Variants in PHF24 observed in about 807,000 individuals in gnomAD.
PHF24 encodes Galpha inhibitory interacting protein.
A neutral mutation model predicts 42.6 loss-of-function variants in PHF24; 25 were observed. That is an observed-to-expected ratio of 0.59 (90% CI 0.43 to 0.82). The LOEUF is 0.82. PHF24 is among the 40% of genes least tolerant of loss of function. The pLI, the probability that PHF24 is intolerant of heterozygous loss-of-function variation, is 0.00. For synonymous variants in PHF24, 185 were observed against 204.8 expected, an observed-to-expected ratio of 0.90 and a Z score of 0.83; for missense variants, 470 against 538.1, an observed-to-expected ratio of 0.87 and a Z score of 1.25.
the PHF24 span, chr9:34,727,952 C>T: frequency 6.9e-7 from 1 of 1,444,312 alleles, no homozygotes; most frequent in Non-Finnish European, 9.5e-7. Context: ...TTAGTCCTGC[C>T]CCAGGCCAAG....
the PHF24 span, among the ~76,000 whole-genome samples, chr9:34,735,447 T>C: frequency 6.6e-6 from 1 of 151,366 alleles, no homozygotes; most frequent in Admixed American, 6.6e-5. Context: ...GATATCCAGC[T>C]TTCAACAAAA....
the PHF24 span, among the ~76,000 whole-genome samples, chr9:34,732,114 G>A: frequency 9.9e-5 from 15 of 150,896 alleles, no homozygotes; most frequent in African/African-American, 2.4e-4. Context: ...CTCCCACCTC[G>A]GCCTCCTAAA....
the PHF24 span, among the ~76,000 whole-genome samples, chr9:34,911,399 G>A: frequency 6.6e-6 from 1 of 152,044 alleles, no homozygotes; most frequent in Non-Finnish European, 1.5e-5. Context: ...GATTACAGGT[G>A]CCCGCCACCA....
the PHF24 span, among the ~76,000 whole-genome samples, chr9:34,739,818 C>T: frequency 2.0e-5 from 3 of 152,138 alleles, no homozygotes; most frequent in Admixed American, 1.3e-4. Context: ...CTTTTATTCT[C>T]TTATCTGGCC....
the PHF24 span, among the ~76,000 whole-genome samples, chr9:34,937,042 C>CCG: frequency 4.7e-5 from 6 of 126,428 alleles, no homozygotes; most frequent in Non-Finnish European, 8.7e-5. Flanking sequence ...CAGCCCCCCC[C>CCG]CCGGGCCAGC....
chr9:34,668,157 C>T, the PHF24 span, among the ~76,000 whole-genome samples: 1 of 152,178 alleles, frequency 6.6e-6, no homozygotes, highest in East Asian at 1.9e-4. Context: ...AGCTTTAGGG[C>T]TTAAGATGGG....
the PHF24 span, among the ~76,000 whole-genome samples, chr9:34,857,971 G>GTT: frequency 3.6e-5 from 4 of 109,804 alleles, no homozygotes; most frequent in African/African-American, 1.3e-4. Flanking sequence ...TTGTTTCTCT[G>GTT]GTTTTTTTTT....
the PHF24 span, among the ~76,000 whole-genome samples, chr9:34,755,068 T>C: frequency 1.3e-5 from 2 of 151,726 alleles, no homozygotes; most frequent in Non-Finnish European, 2.9e-5. Context: ...GAGGGGTAGT[T>C]GGAGGGTTGG....
the PHF24 span, among the ~76,000 whole-genome samples, chr9:34,761,053 T>C: frequency 3.9e-5 from 6 of 152,090 alleles, no homozygotes; most frequent in South Asian, 1.2e-3. Flanking sequence ...TCAGAATCTC[T>C]GGGAGGCTTG....
At chr9:34,724,770 G>A in the PHF24 span, 1 of 1,551,734 alleles carries the variant, frequency 6.4e-7, no homozygotes, top group Non-Finnish European at 8.7e-7. Flanking sequence ...TGAATCAGAG[G>A]CTCTGCTGGG....
At chr9:34,921,962 C>G in the PHF24 span, among the ~76,000 whole-genome samples, 3 of 152,198 alleles carry the variant, frequency 2.0e-5, no homozygotes, top group Non-Finnish European at 2.9e-5. Flanking sequence ...TTCCACATCC[C>G]CATATTGGCC....
chr9:34,760,021 C>T, the PHF24 span, among the ~76,000 whole-genome samples: 1 of 152,150 alleles, frequency 6.6e-6, no homozygotes, highest in African/African-American at 2.4e-5. Flanking sequence ...CACAGCTAAG[C>T]CTGGCATTTC....
At chr9:34,953,814 G>A (rs1009122621), upstream of PHF24, among the ~76,000 whole-genome samples, 1 of 151,866 alleles carries the variant, frequency 6.6e-6, no homozygotes, top group African/African-American at 2.4e-5. This position sits in a 1 kb window ranked among gnomAD's most constrained non-coding sequence, Gnocchi z 4.1. Context: ...AAATAGCCAG[G>A]TATGATGTCT....
the PHF24 span, among the ~76,000 whole-genome samples, chr9:34,810,715 C>T: frequency 1.3e-5 from 2 of 152,174 alleles, no homozygotes; most frequent in African/African-American, 4.8e-5. Flanking sequence ...TACATGTGTC[C>T]TCACTTCTGA....
the PHF24 span, among the ~76,000 whole-genome samples, chr9:34,734,338 G>A: frequency 6.6e-6 from 1 of 152,298 alleles, no homozygotes; most frequent in East Asian, 1.9e-4. Context: ...ACAAGTACAG[G>A]GAGAATTCAC....
At chr9:34,780,290 CTTTTTTTCTT>C in the PHF24 span, among the ~76,000 whole-genome samples, 2 of 113,952 alleles carry the variant, frequency 1.8e-5, no homozygotes, top group East Asian at 5.6e-4. Flanking sequence ...TCTTTTTTTT[CTTTTTTTCTT>C]TTTTTTTTTT....
intron 5 of PHF24, 110 bp from the exon 6 acceptor site, chr9:34,976,973 T>C: frequency 7.8e-7 from 1 of 1,278,770 alleles, no homozygotes; most frequent in Admixed American, 2.4e-5. Context: ...AGAAGGGCTC[T>C]GGGCAGCTTC....
the PHF24 span, among the ~76,000 whole-genome samples, chr9:34,707,861 A>C: frequency 6.6e-6 from 1 of 152,148 alleles, no homozygotes; most frequent in South Asian, 2.1e-4. Context: ...CCTCCCGAGT[A>C]GCTGGGATTA....
At chr9:34,914,188 A>G in the PHF24 span, among the ~76,000 whole-genome samples, 17 of 152,158 alleles carry the variant, frequency 1.1e-4, no homozygotes, top group Non-Finnish European at 1.9e-4. Context: ...TTTCTTTAAT[A>G]TCATGGGTTT....
Sources: allele counts gnomAD v4.1 joint callset (sites outside exome capture counted in the v4.1 genomes callset), GRCh38; gene constraint gnomAD v4.1.1; non-coding constraint Gnocchi (gnomAD v3.1); transcripts MANE v1.5; gene names NCBI Gene and HGNC (gene_info 2026-07-23, HGNC 2026-07-21).